CACNA1E: variants seen among roughly 807,000 people sequenced by gnomAD.
CACNA1E encodes calcium voltage-gated channel subunit alpha1 E.
In CACNA1E, 40 loss-of-function variants were observed where a neutral mutation model predicts 259.2. That is an observed-to-expected ratio of 0.15 (90% CI 0.12 to 0.20). The LOEUF is 0.20. Among genes scored for constraint, CACNA1E ranks in the 10% least tolerant of loss-of-function variants. The pLI, the probability that CACNA1E is intolerant of heterozygous loss-of-function variation, is 1.00. For synonymous variants in CACNA1E, 1,104 were observed against 1,138.5 expected (o/e 0.97, Z 0.61); for missense variants, 1,874 against 3,040.1 (o/e 0.62, Z 9.02).
At chr1:181,771,511 G>T (rs1001154809) in intron 36 of CACNA1E, 127 bp downstream of exon 36, 1 of 645,486 alleles carries the variant, frequency 1.5e-6, no homozygotes, top group African/African-American at 1.8e-5. Context: ...AGTAGAAAGG[G>T]GAACAGGCAA....
At chr1:181,643,977 G>A (rs555274454) in intron 6 of CACNA1E, among the ~76,000 whole-genome samples, 5 of 152,128 alleles carry the variant, frequency 3.3e-5, no homozygotes, top group African/African-American at 9.7e-5. Context: ...ACAGTGAAAC[G>A]CCCTGCTCCT....
chr1:181,702,139 C>A (rs894103863), intron 7 of CACNA1E, among the ~76,000 whole-genome samples: 2 of 152,200 alleles, frequency 1.3e-5, no homozygotes, highest in South Asian at 2.1e-4. Flanking sequence ...CAGCTGAATT[C>A]CTGATCCTCC....
chr1:181,467,985 G>A (rs1260663839), intron 2 of CACNA1E, among the ~76,000 whole-genome samples: 1 of 152,174 alleles, frequency 6.6e-6, no homozygotes, highest in African/African-American at 2.4e-5. Context: ...AAAGAATTAT[G>A]TGACTCAGAA....
intron 3 of CACNA1E, among the ~76,000 whole-genome samples, chr1:181,523,908 C>T (rs536584703): frequency 2.4e-4 from 36 of 152,270 alleles, no homozygotes; most frequent in South Asian, 6.2e-4. Flanking sequence ...ATGCTTCACT[C>T]GTGAACAGAA....
At chr1:181,715,889 C>T (rs777926676) in intron 9 of CACNA1E, 151 bp from the exon 10 acceptor site, 1 of 624,878 alleles carries the variant, frequency 1.6e-6, no homozygotes, top group Non-Finnish European at 2.9e-6. Context: ...TCCGTGATTT[C>T]TGTTACCCTG....
intron 32 of CACNA1E, among the ~76,000 whole-genome samples, chr1:181,761,699 G>A (rs1394534274): frequency 1.3e-5 from 2 of 152,128 alleles, no homozygotes; most frequent in Non-Finnish European, 2.9e-5. Flanking sequence ...TGTCCCAGGG[G>A]CAGGCAAGTG....
intron 2 of CACNA1E, among the ~76,000 whole-genome samples, chr1:181,444,453 G>T (rs1294246269): frequency 6.6e-6 from 1 of 152,144 alleles, no homozygotes; most frequent in Non-Finnish European, 1.5e-5. Context: ...ATTGACAGGG[G>T]ACATTAAAAT....
intron 6 of CACNA1E, among the ~76,000 whole-genome samples, chr1:181,606,953 A>T (rs1381813329): frequency 3.3e-5 from 5 of 152,224 alleles, no homozygotes; most frequent in Non-Finnish European, 5.9e-5. Flanking sequence ...AGTCCCTCTC[A>T]GAAATCACAC....
chr1:181,560,277 A>T (rs1002272452), intron 3 of CACNA1E, among the ~76,000 whole-genome samples: 13 of 138,442 alleles, frequency 9.4e-5, no homozygotes, highest in Non-Finnish European at 4.8e-5. Context: ...ATATATTTCC[A>T]TTGGAAAAAA....
At chr1:181,770,978 C>T (rs116267596) in intron 35 of CACNA1E, among the ~76,000 whole-genome samples, 16 of 152,186 alleles carry the variant, frequency 1.1e-4, no homozygotes, top group African/African-American at 3.9e-4. Flanking sequence ...GTGACAGGTA[C>T]CATGGAACTA....
At chr1:181,688,553 A>G (rs191641947) in intron 7 of CACNA1E, among the ~76,000 whole-genome samples, 3 of 152,326 alleles carry the variant, frequency 2.0e-5, no homozygotes, top group East Asian at 1.9e-4. Context: ...ATTTTTACAT[A>G]TTTACAAGGT....
chr1:181,385,887 C>A (rs1352398460), intron 1 of CACNA1E, among the ~76,000 whole-genome samples: 1 of 151,154 alleles, frequency 6.6e-6, no homozygotes, highest in Non-Finnish European at 1.5e-5. Context: ...CCCTCTCTTC[C>A]TCCCTTCCTT....
intron 46 of CACNA1E, among the ~76,000 whole-genome samples, chr1:181,795,483 C>G (rs1370450305): frequency 6.6e-6 from 1 of 151,580 alleles, no homozygotes; most frequent in Non-Finnish European, 1.5e-5. Flanking sequence ...CTCTGCAGCA[C>G]AGGCTAGAGT....
Position 181,803,352 on chromosome 1 carries a change from T to A in CACNA1E, c.*4518T>A, listed in dbSNP as rs1379454732. On this transcript the variant is annotated 3_prime_UTR_variant, in exon 48 of 48. Coordinates refer to ENST00000367573, the MANE Select transcript of CACNA1E (RefSeq NM_001205293.3). Reference sequence around the variant, plus strand: ...GTTTGGATAACTTCTCTTTAAAATATCTCCACATTGAGACTCTTATTTTAA... The same window carrying A: ...GTTTGGATAACTTCTCTTTAAAATAACTCCACATTGAGACTCTTATTTTAA... 3 of 152,236 alleles carry A rather than the reference T, an allele frequency of 2.0e-5. No individual in the cohort carries two copies. The highest frequency in any genetic ancestry group is 7.2e-5 in the African/African-American group (3 of 41,454). 9.4% of individuals were successfully genotyped at this position (152,236 alleles called of 1,614,324 possible). A position where few individuals can be genotyped will look rare whatever the true frequency, so the allele number is the denominator to read the frequency against.
chr1:181,594,021 A>G (rs1369958421), intron 6 of CACNA1E, among the ~76,000 whole-genome samples: 1 of 152,214 alleles, frequency 6.6e-6, no homozygotes, highest in Non-Finnish European at 1.5e-5. Context: ...TTAAACATTG[A>G]AAATGTTAGT....
Position 181,476,120 on chromosome 1 carries a change from A to T in CACNA1E, c.435-7624A>T, listed in dbSNP as rs1662833139. On this transcript the variant is annotated intron_variant, in intron 2 of 11. Coordinates refer to the CACNA1E transcript ENST00000524607. ...AGGTCAGTGGTGTCAAATGCTGCAG[A>T]GTGGTCAAGTAGGAGGGTAAAAAAA... Among the ~76,000 whole-genome samples the T allele has an allele frequency of 2.0e-5, 3 of 152,082 alleles. No homozygotes were observed. The South Asian group carries it at 6.2e-4, about 32-fold the overall frequency.
intron 1 of CACNA1E, among the ~76,000 whole-genome samples, chr1:181,398,163 C>T (rs1180857556): frequency 6.6e-6 from 1 of 152,218 alleles, no homozygotes. Context: ...ATGAAAGCCA[C>T]AGGCTCTACC....
At chr1:181,756,199 G>A in intron 29 of CACNA1E, 106 bp downstream of exon 29, 1 of 1,105,706 alleles carries the variant, frequency 9.0e-7, no homozygotes, top group East Asian at 2.8e-5. Flanking sequence ...TATTGTATCA[G>A]GGAAAGTAAG....
At chr1:181,638,981 A>G (rs1015707517) in intron 6 of CACNA1E, among the ~76,000 whole-genome samples, 2 of 152,238 alleles carry the variant, frequency 1.3e-5, no homozygotes, top group South Asian at 4.1e-4. Flanking sequence ...AAACAAACCA[A>G]TACAGTTTGT....
Sources: allele counts gnomAD v4.1 joint callset (sites outside exome capture counted in the v4.1 genomes callset), GRCh38; gene constraint gnomAD v4.1.1; transcripts MANE v1.5; gene names NCBI Gene and HGNC (gene_info 2026-07-23, HGNC 2026-07-21).